The following SLC2A13 variants were observed in gnomAD, a reference collection of about 807,000 sequenced individuals.
SLC2A13 encodes the protein proton myo-inositol cotransporter.
SLC2A13 carries 32 observed loss-of-function variants against 64.4 expected under a neutral mutation model. The ratio of observed to expected loss-of-function variants is 0.50; its 90% CI spans 0.37 to 0.67. SLC2A13 has a LOEUF of 0.67. SLC2A13 is among the 30% of genes least tolerant of loss of function. SLC2A13 has a pLI of 0.00. For missense variants in SLC2A13, 743 were observed against 829.2 expected (o/e 0.90, Z 1.28); for synonymous variants, 338 against 327.1 (o/e 1.03, Z -0.36).
At chr12:39,854,784 C>T (rs1943562864) in intron 6 of SLC2A13, among the ~76,000 whole-genome samples, 1 of 152,132 alleles carries the variant, frequency 6.6e-6, no homozygotes, top group Non-Finnish European at 1.5e-5. Flanking sequence ...GGCCCTTTCT[C>T]CAGCAGTATC....
chr12:39,931,262 T>C (rs1345330820), intron 4 of SLC2A13, among the ~76,000 whole-genome samples: 1 of 152,208 alleles, frequency 6.6e-6, no homozygotes, highest in African/African-American at 2.4e-5. Flanking sequence ...TACTTCTTTC[T>C]TCCCTTATCA....
At chr12:40,049,327 A>C (rs1307129985) in intron 1 of SLC2A13, among the ~76,000 whole-genome samples, 1 of 152,100 alleles carries the variant, frequency 6.6e-6, no homozygotes, top group Non-Finnish European at 1.5e-5. Flanking sequence ...TCTATATAGA[A>C]TTGCTTTTAA....
intron 4 of SLC2A13, among the ~76,000 whole-genome samples, chr12:39,899,172 C>A (rs1945013608): frequency 1.3e-5 from 2 of 152,084 alleles, no homozygotes; most frequent in African/African-American, 4.8e-5. Flanking sequence ...TGTTATTGGT[C>A]TATTCAGAGA....
chr12:39,982,628 A>T (rs994401041), intron 3 of SLC2A13, among the ~76,000 whole-genome samples: 26 of 149,566 alleles, frequency 1.7e-4, no homozygotes, highest in Non-Finnish European at 3.6e-4. Context: ...AAGGGATGTG[A>T]AGCACCTCTT....
intron 3 of SLC2A13, among the ~76,000 whole-genome samples, chr12:39,997,307 T>G (rs566382322): frequency 6.6e-6 from 1 of 152,272 alleles, no homozygotes; most frequent in East Asian, 1.9e-4. Flanking sequence ...TTTCAACAAA[T>G]GGTCCTGAAA....
chr12:39,939,415 C>T (rs529189053), intron 4 of SLC2A13, among the ~76,000 whole-genome samples: 4 of 152,278 alleles, frequency 2.6e-5, no homozygotes, highest in African/African-American at 9.6e-5. Flanking sequence ...ACCTACCTGC[C>T]ATCAAAAAGG....
intron 2 of SLC2A13, among the ~76,000 whole-genome samples, chr12:40,039,354 G>T (rs190644956): frequency 1.4e-3 from 205 of 151,852 alleles, no homozygotes; most frequent in African/African-American, 4.8e-3. Context: ...ATGTAGATCT[G>T]TGCCACATTT....
chr12:39,948,752 TAAAAG>T (rs959450801), intron 4 of SLC2A13, among the ~76,000 whole-genome samples: 1 of 152,070 alleles, frequency 6.6e-6, no homozygotes, highest in Non-Finnish European at 1.5e-5. Context: ...ATTTCCCACT[TAAAAG>T]GGAAGAAGCT....
At chr12:39,766,720 T>C (rs1247082546) in intron 7 of SLC2A13, among the ~76,000 whole-genome samples, 1 of 152,140 alleles carries the variant, frequency 6.6e-6, no homozygotes, top group Admixed American at 6.6e-5. Context: ...TTTGATATCA[T>C]TTCAACAATG....
chr12:40,028,028 A>AC (rs1418507815), intron 3 of SLC2A13, among the ~76,000 whole-genome samples: 3 of 152,200 alleles, frequency 2.0e-5, no homozygotes, highest in Non-Finnish European at 2.9e-5. Context: ...TATAAAAATT[A>AC]GTATGAAAAT....
intron 7 of SLC2A13, among the ~76,000 whole-genome samples, chr12:39,799,907 A>T (rs564535002): frequency 6.6e-6 from 1 of 152,318 alleles, no homozygotes; most frequent in East Asian, 1.9e-4. Context: ...ACAACAGAAT[A>T]ATGTGTCACC....
At chr12:40,073,821 T>C (rs1352960030) in intron 1 of SLC2A13, among the ~76,000 whole-genome samples, 1 of 152,010 alleles carries the variant, frequency 6.6e-6, no homozygotes, top group Non-Finnish European at 1.5e-5. Context: ...ATTTTTACCT[T>C]TGATTTTTCT....
intron 4 of SLC2A13, among the ~76,000 whole-genome samples, chr12:39,941,460 C>T (rs1946024437): frequency 6.6e-6 from 1 of 152,162 alleles, no homozygotes. Flanking sequence ...TTGATCATGG[C>T]CATTCCTACA....
At chr12:39,828,228 C>A (rs1245490780) in intron 7 of SLC2A13, among the ~76,000 whole-genome samples, 1 of 152,092 alleles carries the variant, frequency 6.6e-6, no homozygotes, top group African/African-American at 2.4e-5. Flanking sequence ...AGCACCGTTG[C>A]TCAGCACAGG....
At chr12:39,803,814 T>C (rs1264179726) in intron 7 of SLC2A13, among the ~76,000 whole-genome samples, 2 of 152,240 alleles carry the variant, frequency 1.3e-5, no homozygotes, top group East Asian at 3.9e-4. Context: ...TGGTAAGTAA[T>C]ATCTGAAAAT....
intron 1 of SLC2A13, among the ~76,000 whole-genome samples, chr12:40,098,924 G>A (rs544611116): frequency 1.9e-4 from 29 of 152,282 alleles, no homozygotes; most frequent in East Asian, 1.2e-3. Context: ...CCAGTGCAGC[G>A]GCAGGGTGGC....
chr12:39,951,214 C>T (rs750786849), intron 4 of SLC2A13, 43 bp downstream of exon 4: 2 of 1,521,520 alleles, frequency 1.3e-6, no homozygotes, highest in Admixed American at 1.7e-5. Flanking sequence ...TAAAATAATC[C>T]TTTCACAATC....
chr12:40,034,113 G>C (rs1176047429), intron 2 of SLC2A13, among the ~76,000 whole-genome samples: 1 of 152,288 alleles, frequency 6.6e-6, no homozygotes, highest in East Asian at 1.9e-4. Flanking sequence ...AACTATCCTA[G>C]TTAAGGGAAG....
At chr12:39,815,289 T>C (rs1278023911) in intron 7 of SLC2A13, among the ~76,000 whole-genome samples, 1 of 152,212 alleles carries the variant, frequency 6.6e-6, no homozygotes, top group Non-Finnish European at 1.5e-5. Context: ...AAGCAGAGAA[T>C]ACTGTGAGCT....
Sources: allele counts gnomAD v4.1 joint callset (sites outside exome capture counted in the v4.1 genomes callset), GRCh38; gene constraint gnomAD v4.1.1; transcripts MANE v1.5; gene names NCBI Gene and HGNC (gene_info 2026-07-23, HGNC 2026-07-21).